The following S1PR3 variants were observed in gnomAD, a reference collection of about 807,000 sequenced individuals.
The protein encoded by S1PR3 is sphingosine-1-phosphate receptor 3.
A neutral mutation model predicts 13.3 loss-of-function variants in S1PR3; 12 were observed. The ratio of observed to expected loss-of-function variants is 0.90; its 90% CI spans 0.58 to 1.46. S1PR3 has a LOEUF of 1.46. S1PR3 is among the 40% of genes most tolerant of loss of function. S1PR3 has a pLI of 0.00. For synonymous variants in S1PR3, 232 were observed against 214.0 expected (o/e 1.08, Z -0.73); for missense variants, 450 against 501.9 (o/e 0.90, Z 0.99).
rs1825883147 is a variant in S1PR3 at position 89,002,429 on chromosome 9, G to T, written c.*92G>T. 3.4e-6 allele frequency: 5 copies of T among 1,456,766 alleles called. No homozygotes were observed. The highest frequency in any genetic ancestry group is 2.8e-6 in the Non-Finnish European group (3 of 1,077,288). The allele number at this position is 1,456,766 out of a possible 1,614,324, so 90.2% of individuals were successfully genotyped here. A position where few individuals can be genotyped will look rare whatever the true frequency, so the allele number is the denominator to read the frequency against. ...CCCTCAAGAGCTGTGACTCGGGAGA[G>T]CTACCTTACTTTGACCAACAGCCTG... On this transcript the variant is annotated 3_prime_UTR_variant, in exon 2 of 2. Coordinates refer to ENST00000358157, the MANE Select transcript of S1PR3 (RefSeq NM_005226.4).
chr9:88,991,804 G>A lies in S1PR3; in HGVS notation c.-148+109G>A. ...CGATCCCGGGCGCGACGGGGACTTG[G>A]GCGCGCCACGGCGGCCGGAGCGCTC... On this transcript the variant is annotated intron_variant, in intron 1 of 1. Coordinates refer to ENST00000358157, the MANE Select transcript of S1PR3 (RefSeq NM_005226.4). The surrounding 1 kb of genome is among the most constrained non-coding windows in gnomAD (Gnocchi z 4.0). The A allele has an allele frequency of 1.2e-6, 2 of 1,605,840 alleles. No homozygotes were observed. Among genetic ancestry groups the A allele is most frequent in the Non-Finnish European group, 1.7e-6 (2 of 1,175,714 alleles).
In S1PR3 at chr9:89,001,405, A is replaced by C; in HGVS notation, c.205A>C (p.Lys69Gln). Residue 69 changes from lysine to glutamine, a missense_variant, in exon 2 of 2, where the codon AAA (lysine) becomes CAA (glutamine). Physicochemically the swap from Lys to Gln is moderately conservative, Grantham distance 53 (BLOSUM62 1). Transcript: ENST00000358157. ...TTTGATTGCCATCTGGAAAAACAATAAATTTCACAACCGCATGTACTTTTT... is the reference window on the plus strand; with the variant it reads ...TTTGATTGCCATCTGGAAAAACAATCAATTTCACAACCGCATGTACTTTTT... ...MVLIAIWKNN[K>Q]FHNRMYFFIG... 1 of 1,614,196 alleles carries C rather than the reference A, an allele frequency of 6.2e-7. No homozygotes were observed. The highest frequency in any genetic ancestry group is 8.5e-7 in the Non-Finnish European group (1 of 1,180,044).
Position 89,001,557 on chromosome 9 carries a change from C to T in S1PR3, c.357C>T (p.Phe119=), listed in dbSNP as rs1587667444. 4 of 1,614,244 alleles carry T rather than the reference C, an allele frequency of 2.5e-6. No homozygotes were observed. Among genetic ancestry groups the T allele is most frequent in the Non-Finnish European group, 3.4e-6 (4 of 1,180,048 alleles). Residue 119 remains phenylalanine (F), a synonymous_variant, in exon 2 of 2, where the codon TTC becomes TTT. Coordinates refer to ENST00000358157, the MANE Select transcript of S1PR3 (RefSeq NM_005226.4). The stretch of plus-strand genomic sequence containing the variant: ...GGTTCCTCAGGGAGGGCAGTATGTT[C>T]GTGGCCCTTGGGGCGTCCACCTGCA... The part of the protein sequence containing the change: ...TVWFLREGSM[F]VALGASTCSL...
chr9:89,002,626 A>G lies in S1PR3; in HGVS notation c.*289A>G. The G allele has an allele frequency of 2.1e-6, 1 of 484,376 alleles. No homozygotes were observed. Among genetic ancestry groups the G allele is most frequent in the South Asian group, 2.8e-5 (1 of 35,504 alleles). The allele number at this position is 484,376 out of a possible 1,614,324, so 30.0% of individuals were successfully genotyped here. On this transcript the variant is annotated 3_prime_UTR_variant, in exon 2 of 2. Coordinates refer to ENST00000358157, the MANE Select transcript of S1PR3 (RefSeq NM_005226.4). ...GACACCCTCCCTGTTGTTCACAGAG[A>G]GGGAAGGTCGTGGGCCACACAATGC...
chr9:88,994,577 C>T (rs540251373), intron 1 of S1PR3: 3 of 166,896 alleles, frequency 1.8e-5, no homozygotes, highest in Admixed American at 1.3e-4. Context: ...TCAAACACCT[C>T]CTGGCTCAGA....
chr9:89,001,674 C>G lies in S1PR3; in HGVS notation c.474C>G (p.Ile158Met), dbSNP rs267602308. Residue 158 changes from isoleucine to methionine, a missense_variant, in exon 2 of 2, where the codon ATC becomes ATG. Coordinates refer to ENST00000358157, the MANE Select transcript of S1PR3 (RefSeq NM_005226.4). ...AGAGGCACCGCGTCTTCCTCCTGAT[C>G]GGGATGTGCTGGCTCATTGCCTTCA... ...ANKRHRVFLL[I>M]GMCWLIAFTL... 9 of 1,614,088 alleles carry G rather than the reference C, an allele frequency of 5.6e-6. No homozygotes were observed. The highest frequency in any genetic ancestry group is 7.6e-6 in the Non-Finnish European group (9 of 1,180,064).
upstream of S1PR3, chr9:88,991,001 C>A: frequency 1.2e-6 from 2 of 1,613,518 alleles, no homozygotes; most frequent in South Asian, 2.2e-5. The surrounding 1 kb of genome is among the most constrained non-coding windows in gnomAD (Gnocchi z 4.0). Context: ...AAGAAATGGT[C>A]AGGATCTGGA....
At chr9:88,991,386 C>T, upstream of S1PR3, 1 of 155,046 alleles carries the variant, frequency 6.4e-6, no homozygotes, top group Non-Finnish European at 1.2e-5. The surrounding 1 kb of genome is among the most constrained non-coding windows in gnomAD (Gnocchi z 4.0). Context: ...GGGCGGGAGT[C>T]GGGGGCGGCG....
chr9:88,991,372 AGAGGGGCGGGAGTCGGGGGCGGCGAGGG>A, upstream of S1PR3: 2 of 243,914 alleles, frequency 8.2e-6, no homozygotes, highest in Non-Finnish European at 1.3e-5. The surrounding 1 kb of genome is among the most constrained non-coding windows in gnomAD (Gnocchi z 4.0). Flanking sequence ...GGGGGCGGGG[AGAGGGGCGGGAGTCGGGGGCGGCGAGGG>A]GAGGGGCGGA....
Position 89,001,399 on chromosome 9 carries a change from A to T in S1PR3, c.199A>T (p.Asn67Tyr). The T allele has an allele frequency of 6.2e-7, 1 of 1,614,180 alleles. No homozygotes were observed. The highest frequency in any genetic ancestry group is 8.5e-7 in the Non-Finnish European group (1 of 1,180,018). ...NLMVLIAIWKNNKFHNRMYFF... is the reference protein window; with the variant it reads ...NLMVLIAIWKYNKFHNRMYFF... ...GATGGTTTTGATTGCCATCTGGAAAAACAATAAATTTCACAACCGCATGTA... is the reference window on the plus strand; with the variant it reads ...GATGGTTTTGATTGCCATCTGGAAATACAATAAATTTCACAACCGCATGTA... Residue 67 changes from asparagine to tyrosine, a missense_variant, in exon 2 of 2, where the codon AAC becomes TAC. Transcript: ENST00000358157.
At position 89,001,471 on chromosome 9, in the gene S1PR3, G is replaced by T. The variant is rs199731931; in HGVS notation, c.271G>T (p.Ala91Ser). Residue 91 changes from alanine to serine, a missense_variant, in exon 2 of 2, where the codon GCT (alanine) becomes TCT (serine). Ala to Ser is a moderately conservative substitution (Grantham distance 99). Coordinates refer to ENST00000358157, the MANE Select transcript of S1PR3 (RefSeq NM_005226.4). ...LALCDLLAGI[A>S]YKVNILMSGK... ...TCTCTGCGACCTGCTGGCCGGCATCGCTTACAAGGTCAACATTCTGATGTC... is the reference window on the plus strand; with the variant it reads ...TCTCTGCGACCTGCTGGCCGGCATCTCTTACAAGGTCAACATTCTGATGTC... 6.2e-7 allele frequency: 1 copy of T among 1,614,178 alleles called. No homozygotes were observed.
In S1PR3 at chr9:88,991,779, C is replaced by A. The variant is rs1288916267; in HGVS notation, c.-148+84C>A. 1.3e-6 allele frequency: 2 copies of A among 1,583,360 alleles called. No individual in the cohort carries two copies. The highest frequency in any genetic ancestry group is 1.7e-6 in the Non-Finnish European group (2 of 1,164,478). ...CCCACCTTTCCAACAAAATCCCCAC[C>A]GATCCCGGGCGCGACGGGGACTTGG... is the stretch of plus-strand genomic sequence containing the variant. On this transcript the variant is annotated intron_variant, in intron 1 of 1. Transcript: ENST00000358157. This position sits in a 1 kb window ranked among gnomAD's most constrained non-coding sequence, Gnocchi z 4.0.
At chr9:88,992,088 C>T (rs1168873226) in intron 1 of S1PR3, 5 of 1,531,528 alleles carry the variant, frequency 3.3e-6, no homozygotes, top group Non-Finnish European at 4.4e-6. Flanking sequence ...CAATATTCGC[C>T]GGAAAATTAG....
Position 88,991,502 on chromosome 9 carries a change from C to T in S1PR3, c.-341C>T. On this transcript the variant is annotated 5_prime_UTR_variant, in exon 1 of 2. Transcript: ENST00000358157. This position sits in a 1 kb window ranked among gnomAD's most constrained non-coding sequence, Gnocchi z 4.0. Reference sequence around the variant, plus strand: ...GGAAGCCGGTTCCGGGGACGGGCAACAGGGACTCAGGGACCAGAAGGCGGC... The same window carrying T: ...GGAAGCCGGTTCCGGGGACGGGCAATAGGGACTCAGGGACCAGAAGGCGGC... 1 of 1,547,982 alleles carries T rather than the reference C, an allele frequency of 6.5e-7. No homozygotes were observed. Among genetic ancestry groups the T allele is most frequent in the Non-Finnish European group, 8.7e-7 (1 of 1,145,972 alleles).
chr9:89,003,609 A>C lies in S1PR3; in HGVS notation c.*1272A>C, dbSNP rs41287355. On this transcript the variant is annotated 3_prime_UTR_variant, in exon 2 of 2. Transcript: ENST00000358157. ...TTTTTGTACATGCTCTTCCCCAAGG[A>C]TTGTACGTATTATACAAATAGATGG... 6.0e-6 allele frequency: 1 copy of C among 167,184 alleles called. No homozygotes were observed. Among genetic ancestry groups the C allele is most frequent in the South Asian group, 2.1e-4 (1 of 4,824 alleles). 10.4% of individuals were successfully genotyped at this position (167,184 alleles called of 1,614,324 possible).
chr9:88,991,355 G>A (rs1296899478), upstream of S1PR3: 363 of 1,213,116 alleles, frequency 3.0e-4, 2 homozygotes, highest in African/African-American at 3.8e-3. The surrounding 1 kb of genome is among the most constrained non-coding windows in gnomAD (Gnocchi z 4.0). Context: ...GCGGGGGACG[G>A]GGAGAGGGGG....
chr9:88,992,257 G>C, intron 1 of S1PR3: 2 of 536,338 alleles, frequency 3.7e-6, no homozygotes, highest in Middle Eastern at 1.0e-3. Context: ...GGCTTTTTGA[G>C]TCTCCCAATA....
At chr9:88,996,721 T>TG (rs1276582576) in intron 1 of S1PR3, 1 of 152,252 alleles carries the variant, frequency 6.6e-6, no homozygotes, top group Non-Finnish European at 1.5e-5. Flanking sequence ...CTCTGTGTGG[T>TG]GGGGCAGGTC....
chr9:88,995,470 T>C (rs974728884), intron 1 of S1PR3: 7 of 167,034 alleles, frequency 4.2e-5, no homozygotes, highest in African/African-American at 1.2e-4. Context: ...TCCTTGGAAG[T>C]TGGGGGAAGG....
Sources: allele counts gnomAD v4.1 joint callset, GRCh38; gene constraint gnomAD v4.1.1; non-coding constraint Gnocchi (gnomAD v3.1); transcripts MANE v1.5; gene names NCBI Gene and HGNC (gene_info 2026-07-23, HGNC 2026-07-21).